Variants in USP15 observed in about 807,000 individuals in gnomAD.
USP15 encodes ubiquitin specific peptidase 15.
A neutral mutation model predicts 127.1 loss-of-function variants in USP15; 18 were observed. The observed-to-expected ratio is 0.14, with a 90% CI of 0.10 to 0.21. The LOEUF (loss-of-function observed/expected upper bound fraction) is 0.21. Among genes scored for constraint, USP15 ranks in the 10% least tolerant of loss-of-function variants. The probability of loss-of-function intolerance (pLI) is 1.00; values close to 1 mark genes in which losing one functional copy is unlikely to be tolerated. For missense variants in USP15, 805 were observed against 1,159.9 expected, an observed-to-expected ratio of 0.69 and a Z score of 4.44; for synonymous variants, 364 against 393.7, an observed-to-expected ratio of 0.92 and a Z score of 0.89.
chr12:62,401,419 A>T, intron 21 of USP15, 144 bp downstream of exon 21: 1 of 521,110 alleles, frequency 1.9e-6, no homozygotes, highest in Non-Finnish European at 3.2e-6. Flanking sequence ...TTATTTAAAG[A>T]AATGTCAAAT....
chr12:62,277,742 A>G (rs1291993041), intron 1 of USP15: 1 of 152,030 alleles, frequency 6.6e-6, no homozygotes, highest in Admixed American at 6.6e-5. Flanking sequence ...ATAATGTTTT[A>G]AGAAAGTTTA....
At position 62,404,482 on chromosome 12, in the gene USP15, A is replaced by G; in HGVS notation, c.*107A>G. ...ACAAAAGTCTGAGATGGGGAGTTTC[A>G]GATAACCGAATGTAAATCCTTTATC... On this transcript the variant is annotated 3_prime_UTR_variant, in exon 22 of 22. Transcript: ENST00000280377. 1 of 1,386,334 alleles carries G rather than the reference A, an allele frequency of 7.2e-7. No homozygotes were observed. Among genetic ancestry groups the G allele is most frequent in the Non-Finnish European group, 9.5e-7 (1 of 1,058,070 alleles). 85.9% of individuals were successfully genotyped at this position (1,386,334 alleles called of 1,614,324 possible).
In USP15 at chr12:62,409,589, C is replaced by A. The variant is rs999707248; in HGVS notation, c.*5214C>A. ...AAAGTTTTTTTTCTCATGTCAGGAA[C>A]TTGCAGCTTGTTCTATATAGTTTGG... On this transcript the variant is annotated 3_prime_UTR_variant, in exon 22 of 22. Coordinates refer to ENST00000280377, the MANE Select transcript of USP15 (RefSeq NM_001252078.2). 1.3e-5 allele frequency: 2 copies of A among 152,202 alleles called. No homozygotes were observed. Among genetic ancestry groups the A allele is most frequent in the African/African-American group, 4.8e-5 (2 of 41,564 alleles). 9.4% of individuals were successfully genotyped at this position (152,202 alleles called of 1,614,324 possible).
intron 21 of USP15, among the ~76,000 whole-genome samples, chr12:62,401,579 T>C (rs1325700768): frequency 6.6e-6 from 1 of 151,900 alleles, no homozygotes; most frequent in Non-Finnish European, 1.5e-5. Flanking sequence ...CTCTTAACTT[T>C]CTAGACATTG....
chr12:62,322,341 TG>T lies in USP15; in HGVS notation c.621+735del, dbSNP rs1332018255. 4.6e-5 allele frequency among the ~76,000 whole-genome samples: 7 copies of T among 152,256 alleles called. No homozygotes were observed. In the South Asian group the frequency reaches 1.2e-3, roughly 27 times the overall value. On this transcript the variant is annotated intron_variant, in intron 5 of 21. Coordinates refer to ENST00000280377, the MANE Select transcript of USP15 (RefSeq NM_001252078.2). ...TGGGGTTTCATCATGTTGGCCAGGA[TG>T]GGCCAGAATGGTCTCGATCTCTTGA...
At chr12:62,350,821 C>T (rs1215947764) in intron 7 of USP15, among the ~76,000 whole-genome samples, 2 of 151,982 alleles carry the variant, frequency 1.3e-5, no homozygotes, top group Non-Finnish European at 2.9e-5. Flanking sequence ...AGAGACAGTC[C>T]CACTATGTTG....
intron 14 of USP15, among the ~76,000 whole-genome samples, chr12:62,390,596 T>A (rs2067293638): frequency 6.6e-6 from 1 of 152,248 alleles, no homozygotes; most frequent in South Asian, 2.1e-4. Flanking sequence ...ATATATACCA[T>A]CTAAATAGGG....
intron 6 of USP15, among the ~76,000 whole-genome samples, chr12:62,329,938 A>T (rs1367303404): frequency 6.6e-6 from 1 of 152,184 alleles, no homozygotes; most frequent in Non-Finnish European, 1.5e-5. Context: ...ATCTTTGAGG[A>T]TATAATCTTT....
intron 1 of USP15, chr12:62,274,407 A>G (rs2063422881): frequency 1.2e-5 from 1 of 83,384 alleles, no homozygotes. Flanking sequence ...AACATGTACA[A>G]ATCAGCAACA....
At chr12:62,315,152 A>G in intron 4 of USP15, 1 of 286,168 alleles carries the variant, frequency 3.5e-6, no homozygotes, top group South Asian at 1.4e-4. Flanking sequence ...AACATCAAAT[A>G]ATTATTGTTT....
intron 1 of USP15, among the ~76,000 whole-genome samples, chr12:62,275,122 A>G (rs1377834815): frequency 3.3e-5 from 5 of 152,062 alleles, no homozygotes; most frequent in Admixed American, 3.3e-4. Context: ...TGATGAAGTC[A>G]CTTGTTAAAG....
chr12:62,278,302 C>A (rs2063550266), intron 1 of USP15, among the ~76,000 whole-genome samples: 1 of 152,082 alleles, frequency 6.6e-6, no homozygotes. Context: ...TGAGGCTGTT[C>A]TACAGCTAAC....
At chr12:62,297,334 G>A (rs187405619) in intron 2 of USP15, among the ~76,000 whole-genome samples, 107 of 152,224 alleles carry the variant, frequency 7.0e-4, no homozygotes, top group Non-Finnish European at 1.2e-3. Flanking sequence ...GTCTTTCAGG[G>A]TACTGCTTGA....
intron 8 of USP15, among the ~76,000 whole-genome samples, chr12:62,355,822 T>C (rs2066107763): frequency 7.8e-6 from 1 of 128,976 alleles, no homozygotes; most frequent in Admixed American, 7.9e-5. Context: ...GCACTTTTTT[T>C]TTCTTTTTTT....
intron 1 of USP15, among the ~76,000 whole-genome samples, chr12:62,270,089 C>A (rs771065556): frequency 5.9e-5 from 9 of 151,804 alleles, no homozygotes; most frequent in Non-Finnish European, 1.2e-4. Flanking sequence ...GAAGTAGTAT[C>A]TCATTGTAGT....
At chr12:62,372,408 C>G (rs1444025324) in intron 8 of USP15, among the ~76,000 whole-genome samples, 1 of 152,036 alleles carries the variant, frequency 6.6e-6, no homozygotes, top group Non-Finnish European at 1.5e-5. Flanking sequence ...GAAAAAAATT[C>G]TTTTAGAACA....
At chr12:62,340,292 A>G (rs2065607223) in intron 6 of USP15, among the ~76,000 whole-genome samples, 1 of 151,918 alleles carries the variant, frequency 6.6e-6, no homozygotes, top group Non-Finnish European at 1.5e-5. Flanking sequence ...TCATTAGTCT[A>G]GCTAGCAGTC....
At chr12:62,335,263 A>G in intron 6 of USP15, 1 of 1,518,744 alleles carries the variant, frequency 6.6e-7, no homozygotes. Flanking sequence ...CAGACTGACC[A>G]GTCAACCCCT....
At chr12:62,373,035 T>C (rs796239503) in intron 8 of USP15, among the ~76,000 whole-genome samples, 1 of 152,208 alleles carries the variant, frequency 6.6e-6, no homozygotes, top group African/African-American at 2.4e-5. Flanking sequence ...TTCAAAACCT[T>C]ATTTAAAAAC....
Sources: gnomAD v4.1 joint callset for allele counts (sites outside exome capture counted in the v4.1 genomes callset) on GRCh38, gnomAD v4.1.1 for gene constraint, MANE v1.5 for transcripts, NCBI Gene and HGNC (gene_info 2026-07-23, HGNC 2026-07-21) for gene names.